Variants in CLEC2A observed in about 807,000 individuals in gnomAD.
CLEC2A encodes the protein keratinocyte-associated C-type lectin.
A neutral mutation model predicts 18.6 loss-of-function variants in CLEC2A; 19 were observed. The observed-to-expected ratio is 1.02, with a 90% CI of 0.71 to 1.50. CLEC2A has a LOEUF of 1.50. CLEC2A is among the 40% of genes most tolerant of loss of function. The probability of loss-of-function intolerance (pLI) is 0.00; values close to 1 mark genes in which losing one functional copy is unlikely to be tolerated. For missense variants in CLEC2A, 190 were observed against 207.9 expected (o/e 0.91, Z 0.53); for synonymous variants, 74 against 64.0 (o/e 1.16, Z -0.75).
At position 9,898,835 on chromosome 12, in the gene CLEC2A, G is replaced by A. The variant is rs1027311881; in HGVS notation, c.*69C>T. 5 of 694,372 alleles carry A rather than the reference G, an allele frequency of 7.2e-6. No individual in the cohort carries two copies. The African/African-American group carries it at 8.8e-5, about 12-fold the overall frequency. The allele number at this position is 694,372 out of a possible 1,614,324, so 43.0% of individuals were successfully genotyped here. A position where few individuals can be genotyped will look rare whatever the true frequency, so the allele number is the denominator to read the frequency against. ...TATATTAAGGATAAGGATGAAGACA[G>A]ATTTAACTGCTTCCTGCTGACAGGG... On this transcript the variant is annotated 3_prime_UTR_variant, in exon 5 of 5. Transcript: ENST00000339766.
intron 2 of CLEC2A, among the ~76,000 whole-genome samples, chr12:9,923,885 A>C (rs977343548): frequency 1.3e-5 from 2 of 152,054 alleles, no homozygotes; most frequent in African/African-American, 4.8e-5. Context: ...CAATGAGAAC[A>C]CATGGACACA....
At chr12:9,899,534 C>T (rs1862796854) in intron 4 of CLEC2A, among the ~76,000 whole-genome samples, 1 of 152,136 alleles carries the variant, frequency 6.6e-6, no homozygotes, top group South Asian at 2.1e-4. Context: ...CTAGCAGATA[C>T]CCAGGGTATG....
intron 3 of CLEC2A, among the ~76,000 whole-genome samples, chr12:9,917,897 T>C (rs1465746674): frequency 6.6e-6 from 1 of 152,208 alleles, no homozygotes; most frequent in Non-Finnish European, 1.5e-5. Flanking sequence ...GAAATGTATG[T>C]CTTCTTTTAA....
downstream of CLEC2A, among the ~76,000 whole-genome samples, chr12:9,911,220 C>T (rs1862981110): frequency 6.6e-6 from 1 of 152,096 alleles, no homozygotes; most frequent in Admixed American, 6.5e-5. Context: ...GAGAATAAGG[C>T]TAAACTTTTT....
At chr12:9,922,604 T>C (rs1210351847) in intron 2 of CLEC2A, among the ~76,000 whole-genome samples, 1 of 152,208 alleles carries the variant, frequency 6.6e-6, no homozygotes, top group Non-Finnish European at 1.5e-5. Flanking sequence ...AATGGAGGCT[T>C]TCCTTTACCT....
the CLEC2A span, chr12:9,888,839 C>A: frequency 9.5e-7 from 1 of 1,052,182 alleles, no homozygotes; most frequent in Non-Finnish European, 1.4e-6. Context: ...TTTTGGCTTC[C>A]CTCTTCCTGG....
chr12:9,883,549 A>G, the CLEC2A span, among the ~76,000 whole-genome samples: 69 of 152,316 alleles, frequency 4.5e-4, no homozygotes, highest in South Asian at 6.2e-4. Flanking sequence ...CCTCCCTGGC[A>G]TGTATGGAAA....
At chr12:9,931,387 C>G (rs1863372969) in intron 1 of CLEC2A, among the ~76,000 whole-genome samples, 1 of 151,960 alleles carries the variant, frequency 6.6e-6, no homozygotes, top group Admixed American at 6.6e-5. Context: ...TTAACCTTAC[C>G]CTAAAGAAAC....
In CLEC2A at chr12:9,926,363, A is replaced by G. The variant is rs763167252; in HGVS notation, c.56-20T>C. On this transcript the variant is annotated intron_variant, in intron 1 of 4. Coordinates refer to ENST00000455827, the MANE Select transcript of CLEC2A (RefSeq NM_001130711.2). ...TGGGAACTGCAAATTAAATCAACAC[A>G]TATTTTACAATTTCTGAATAAACAC... 26 of 1,443,204 alleles carry G rather than the reference A, an allele frequency of 1.8e-5. No homozygotes were observed. The South Asian group carries it at 2.7e-4, about 15-fold the overall frequency. 89.4% of individuals were successfully genotyped at this position (1,443,204 alleles called of 1,614,324 possible). A position where few individuals can be genotyped will look rare whatever the true frequency, so the allele number is the denominator to read the frequency against.
intron 4 of CLEC2A, among the ~76,000 whole-genome samples, chr12:9,905,021 G>A (rs1420746392): frequency 6.6e-6 from 1 of 152,294 alleles, no homozygotes; most frequent in African/African-American, 2.4e-5. Context: ...ATCTCCACAT[G>A]AGATAACTGA....
At chr12:9,916,924 C>G in intron 3 of CLEC2A, 121 bp from the exon 4 acceptor site, 1 of 636,756 alleles carries the variant, frequency 1.6e-6, no homozygotes, top group Non-Finnish European at 2.8e-6. Flanking sequence ...TTCCCTGATG[C>G]TTCTATAACA....
intron 4 of CLEC2A, among the ~76,000 whole-genome samples, chr12:9,900,595 C>T (rs750162193): frequency 6.6e-6 from 1 of 152,116 alleles, no homozygotes; most frequent in African/African-American, 2.4e-5. Flanking sequence ...TTTTAAAGCC[C>T]AGCCCAGTCA....
chr12:9,900,800 G>C (rs184148435), intron 4 of CLEC2A, among the ~76,000 whole-genome samples: 2 of 152,116 alleles, frequency 1.3e-5, no homozygotes, highest in African/African-American at 4.8e-5. Context: ...TCTGCAAGTC[G>C]AGATTGACTC....
intron 4 of CLEC2A, 79 bp from the exon 5 acceptor site, chr12:9,913,759 T>C: frequency 2.2e-6 from 2 of 909,704 alleles, no homozygotes; most frequent in Non-Finnish European, 1.6e-6. Flanking sequence ...AGAGTGATTT[T>C]AAATATATTA....
At chr12:9,898,580 A>G (rs2137010005), downstream of CLEC2A, 1 of 225,606 alleles carries the variant, frequency 4.4e-6, no homozygotes, top group Non-Finnish European at 8.8e-6. Flanking sequence ...GACCTAGACC[A>G]AACCCCTGGC....
chr12:9,900,097 A>G (rs1333302307), intron 4 of CLEC2A, among the ~76,000 whole-genome samples: 1 of 152,202 alleles, frequency 6.6e-6, no homozygotes, highest in Admixed American at 6.5e-5. Flanking sequence ...ATTTGGGTGC[A>G]TGCTGCTTGG....
chr12:9,930,814 T>C (rs1312719310), intron 1 of CLEC2A, among the ~76,000 whole-genome samples: 1 of 152,084 alleles, frequency 6.6e-6, no homozygotes, highest in Non-Finnish European at 1.5e-5. Context: ...TCTCTCAGCT[T>C]TTATTTTATA....
chr12:9,898,748 G>A (rs1862785869), exon 5 of CLEC2A: 1 of 507,630 alleles, frequency 2.0e-6, no homozygotes, highest in South Asian at 3.5e-5. Flanking sequence ...ATGGAAAGAG[G>A]AGGATGAATT....
chr12:9,932,252 C>T, intron 1 of CLEC2A, 23 bp downstream of exon 1: 1 of 1,491,014 alleles, frequency 6.7e-7, no homozygotes, highest in Non-Finnish European at 9.2e-7. Context: ...TTACTTCCTT[C>T]TCATTCACTC....
Sources: gnomAD v4.1 joint callset for allele counts (sites outside exome capture counted in the v4.1 genomes callset) on GRCh38, gnomAD v4.1.1 for gene constraint, MANE v1.5 for transcripts, NCBI Gene and HGNC (gene_info 2026-07-23, HGNC 2026-07-21) for gene names.